Variants in BAIAP2L2 observed in about 807,000 individuals in gnomAD.
BAIAP2L2 encodes BAR/IMD domain-containing adapter protein 2-like 2.
Under a neutral mutation model 60.4 loss-of-function variants are expected in BAIAP2L2, and 65 were observed. The ratio of observed to expected loss-of-function variants is 1.08; its 90% CI spans 0.88 to 1.32. The LOEUF (loss-of-function observed/expected upper bound fraction) is 1.32. Ranked by LOEUF, BAIAP2L2 falls within the 40% of genes most tolerant of loss-of-function variation. BAIAP2L2 has a pLI of 0.00. For synonymous variants in BAIAP2L2, 344 were observed against 301.7 expected (o/e 1.14, Z -1.45); for missense variants, 836 against 741.2 (o/e 1.13, Z -1.48).
chr22:38,103,319 C>G (rs1306727577), intron 4 of BAIAP2L2, among the ~76,000 whole-genome samples: 1 of 152,154 alleles, frequency 6.6e-6, no homozygotes, highest in African/African-American at 2.4e-5. Context: ...ACACACATTG[C>G]ATATAAATAT....
intron 4 of BAIAP2L2, among the ~76,000 whole-genome samples, chr22:38,100,322 T>C (rs1399567189): frequency 1.3e-5 from 2 of 152,030 alleles, no homozygotes; most frequent in East Asian, 3.9e-4. Context: ...GAGGCCGAGC[T>C]TGTGACCAGC....
chr22:38,091,819 C>A (rs1292465541), intron 7 of BAIAP2L2, among the ~76,000 whole-genome samples: 1 of 152,126 alleles, frequency 6.6e-6, no homozygotes, highest in East Asian at 1.9e-4. Context: ...AGAGCTCCTA[C>A]AAATTAATAA....
intron 11 of BAIAP2L2, 57 bp downstream of exon 11, chr22:38,087,067 G>A: frequency 6.8e-7 from 1 of 1,469,714 alleles, no homozygotes; most frequent in Non-Finnish European, 9.0e-7. Flanking sequence ...TCTCCGCTGG[G>A]CAGTGACACC....
rs899538230 is a variant in BAIAP2L2 at position 38,087,007 on chromosome 22, A to C, written c.1259+117T>G. The stretch of plus-strand genomic sequence containing the variant: ...TGAGACTCTGTCTCAAAAAAAAAAA[A>C]ACAAAACAAAACAAAAAAACAAAAA... On this transcript the variant is annotated intron_variant, in intron 11 of 13. Transcript: ENST00000381669. The C allele has an allele frequency of 1.5e-5, 17 of 1,166,782 alleles. 1 individual carries two copies. In the African/African-American group the frequency reaches 1.8e-4, roughly 12 times the overall value. The allele number at this position is 1,166,782 out of a possible 1,614,324, so 72.3% of individuals were successfully genotyped here.
Position 38,085,282 on chromosome 22 carries a change from A to G in BAIAP2L2, c.*18T>C. The G allele has an allele frequency of 1.9e-6, 3 of 1,611,890 alleles. No individual in the cohort carries two copies. The Admixed American group carries it at 5.0e-5, about 27-fold the overall frequency. The stretch of plus-strand genomic sequence containing the variant: ...CCCCTGGGCAGGTGCACTGTGGGGT[A>G]CGACCTCGGACCCCGCCTCAGCGGA... On this transcript the variant is annotated 3_prime_UTR_variant, in exon 14 of 14. Coordinates refer to ENST00000381669, the MANE Select transcript of BAIAP2L2 (RefSeq NM_025045.6).
Position 38,106,879 on chromosome 22 carries a change from G to A in BAIAP2L2, c.276+973C>T, listed in dbSNP as rs74453608. Among the ~76,000 whole-genome samples the A allele has an allele frequency of 3.7e-3, 558 of 152,250 alleles. 6 individuals are homozygous for A. Among genetic ancestry groups the A allele is most frequent in the Middle Eastern group, 0.027 (8 of 294 alleles). ...CTGTGTCACTGAAGCCCTGCTTGGC[G>A]GAAGGCCCTGGAGCTACGGAGAGGA... is the stretch of plus-strand genomic sequence containing the variant. On this transcript the variant is annotated intron_variant, in intron 4 of 13. Coordinates refer to ENST00000381669, the MANE Select transcript of BAIAP2L2 (RefSeq NM_025045.6).
chr22:38,089,463 C>T, intron 8 of BAIAP2L2, 59 bp downstream of exon 8: 21 of 1,023,888 alleles, frequency 2.1e-5, no homozygotes, highest in Non-Finnish European at 2.6e-5. Context: ...CCTGAGGCCC[C>T]GGGCCCCCGC....
chr22:38,092,956 C>G (rs2145974824), intron 7 of BAIAP2L2, among the ~76,000 whole-genome samples: 1 of 152,120 alleles, frequency 6.6e-6, no homozygotes, highest in Admixed American at 6.5e-5. Flanking sequence ...CACCTGAGGT[C>G]AGGAGTTCAA....
chr22:38,101,010 G>A (rs901087055), intron 4 of BAIAP2L2, among the ~76,000 whole-genome samples: 2 of 152,104 alleles, frequency 1.3e-5, no homozygotes, highest in East Asian at 1.9e-4. Flanking sequence ...TGATGGAAAC[G>A]TTCTAAATAA....
intron 4 of BAIAP2L2, 83 bp downstream of exon 4, chr22:38,107,769 C>T: frequency 2.3e-6 from 3 of 1,317,958 alleles, no homozygotes; most frequent in South Asian, 2.4e-5. Flanking sequence ...CTGGGAAGGG[C>T]ATCTGGTAGG....
At chr22:38,089,877 G>A (rs2086239272) in intron 7 of BAIAP2L2, among the ~76,000 whole-genome samples, 1 of 152,040 alleles carries the variant, frequency 6.6e-6, no homozygotes, top group African/African-American at 2.4e-5. Flanking sequence ...TTTCCACGAA[G>A]AGCTTCCTCT....
At chr22:38,105,350 T>TG (rs1366630806) in intron 4 of BAIAP2L2, among the ~76,000 whole-genome samples, 2 of 149,888 alleles carry the variant, frequency 1.3e-5, no homozygotes, top group Non-Finnish European at 3.0e-5. Context: ...TTTTTTTTTT[T>TG]TTTTTTTTTG....
chr22:38,105,343 T>TTC (rs202202053), intron 4 of BAIAP2L2, among the ~76,000 whole-genome samples: 5 of 134,968 alleles, frequency 3.7e-5, no homozygotes, highest in South Asian at 2.3e-4. Context: ...TCTTTTCTTT[T>TTC]TTTTTTTTTT....
intron 4 of BAIAP2L2, among the ~76,000 whole-genome samples, chr22:38,102,480 A>C (rs959416776): frequency 1.3e-5 from 2 of 152,196 alleles, no homozygotes; most frequent in Admixed American, 1.3e-4. Context: ...TTTCAGGAAA[A>C]AACCTACTTT....
intron 7 of BAIAP2L2, among the ~76,000 whole-genome samples, chr22:38,095,331 T>C (rs993281790): frequency 2.6e-5 from 4 of 152,092 alleles, no homozygotes; most frequent in South Asian, 2.1e-4. Flanking sequence ...CACCTCAGAA[T>C]AGTTGGAGGG....
At chr22:38,095,708 T>C (rs1602012019) in intron 7 of BAIAP2L2, among the ~76,000 whole-genome samples, 1 of 152,142 alleles carries the variant, frequency 6.6e-6, no homozygotes, top group Admixed American at 6.6e-5. Context: ...ATCTTATGAA[T>C]TGGCGGAGCG....
chr22:38,101,546 CAAAAAAAAAA>C (rs71195082), intron 4 of BAIAP2L2, among the ~76,000 whole-genome samples: 5 of 30,910 alleles, frequency 1.6e-4, no homozygotes, highest in Admixed American at 1.1e-3. Flanking sequence ...GATCCTGTCT[CAAAAAAAAAA>C]AAAAAAAAAA....
intron 4 of BAIAP2L2, among the ~76,000 whole-genome samples, chr22:38,100,369 T>TA (rs541305713): frequency 6.6e-6 from 1 of 151,452 alleles, no homozygotes; most frequent in Non-Finnish European, 1.5e-5. Flanking sequence ...CTACTAAAAA[T>TA]AAAAAAATCA....
At chr22:38,089,451 G>T in intron 8 of BAIAP2L2, 71 bp downstream of exon 8, 3 of 882,278 alleles carry the variant, frequency 3.4e-6, no homozygotes, top group Non-Finnish European at 4.4e-6. Flanking sequence ...CCAGGCTGGG[G>T]GCCTGAGGCC....
Sources: gnomAD v4.1 joint callset for allele counts (sites outside exome capture counted in the v4.1 genomes callset) on GRCh38, gnomAD v4.1.1 for gene constraint, MANE v1.5 for transcripts, NCBI Gene and HGNC (gene_info 2026-07-23, HGNC 2026-07-21) for gene names.